The following SLC25A25 variants were observed in gnomAD, a reference collection of about 807,000 sequenced individuals.
The protein encoded by SLC25A25 is solute carrier family 25 member 25.
SLC25A25 carries 32 observed loss-of-function variants against 57.7 expected under a neutral mutation model. That is an observed-to-expected ratio of 0.55 (90% CI 0.42 to 0.74). SLC25A25 has a LOEUF of 0.74. Ranked by LOEUF, SLC25A25 falls within the 30% of genes least tolerant of loss-of-function variation. SLC25A25 has a pLI of 0.00. For synonymous variants in SLC25A25, 306 were observed against 291.2 expected (o/e 1.05, Z -0.52); for missense variants, 556 against 701.3 (o/e 0.79, Z 2.34).
At chr9:128,083,339 A>C (rs1833197988) in intron 1 of SLC25A25, among the ~76,000 whole-genome samples, 1 of 151,928 alleles carries the variant, frequency 6.6e-6, no homozygotes, top group Admixed American at 6.6e-5. Flanking sequence ...TTTATGGAAA[A>C]GGCCTTTTAT....
chr9:128,089,800 T>A (rs1416090856), intron 1 of SLC25A25, among the ~76,000 whole-genome samples: 1 of 149,590 alleles, frequency 6.7e-6, no homozygotes, highest in Non-Finnish European at 1.5e-5. Context: ...TGCCTGGCTA[T>A]TTTTTTTTTA....
rs372287833 is a variant in SLC25A25 at position 128,093,484 on chromosome 9, C to A, written c.262-7612C>A. On this transcript the variant is annotated intron_variant, in intron 1 of 10. Transcript: ENST00000373069. ...AGTACCCCCTTGCCAGCTCTCCCCC[C>A]AGGGACTGCCTAGGATAGGACTGTC... Among the ~76,000 whole-genome samples, 107 of 152,362 alleles carry A rather than the reference C, an allele frequency of 7.0e-4. 1 individual carries two copies. Among genetic ancestry groups the A allele is most frequent in the African/African-American group, 2.4e-3 (101 of 41,578 alleles).
intron 1 of SLC25A25, 122 bp downstream of exon 1, chr9:128,068,702 C>G: frequency 9.0e-7 from 1 of 1,108,552 alleles, no homozygotes; most frequent in Admixed American, 4.2e-5. Context: ...AGGGTGCCCC[C>G]TGACTCACTG....
rs1381267662 is a variant in SLC25A25, at chr9:128,103,776, TG to T, written c.724del (p.Ala242GlnfsTer38). The T allele has an allele frequency of 6.2e-7, 1 of 1,613,602 alleles. No individual in the cohort carries two copies. The highest frequency in any genetic ancestry group is 1.7e-5 in the Admixed American group (1 of 59,994). Reference sequence around the variant, plus strand: ...GGTGGAGACACCTGGTGGCAGGAGGTGGGGCAGGGGCCGTATCCAGAACCTG... The same window carrying T: ...GGTGGAGACACCTGGTGGCAGGAGGTGGGCAGGGGCCGTATCCAGAACCTG... Reference protein sequence around the residue: ...MWWRHLVAGGGAGAVSRTCTA... With the variant: ...MWWRHLVAGGXAGAVSRTCTA... On this transcript the variant is annotated frameshift_variant, in exon 6 of 11. Coordinates refer to ENST00000373069, the MANE Select transcript of SLC25A25 (RefSeq NM_001330988.2). LOFTEE classifies it high-confidence loss of function. This position sits in a 1 kb window ranked among gnomAD's most constrained non-coding sequence, Gnocchi z 6.7.
chr9:128,104,570 C>A (rs1324002272), intron 6 of SLC25A25, among the ~76,000 whole-genome samples: 1 of 152,206 alleles, frequency 6.6e-6, no homozygotes, highest in Non-Finnish European at 1.5e-5. Context: ...CCAGGACTTC[C>A]CCTCCTCTGT....
chr9:128,070,345 G>A (rs190138841), intron 1 of SLC25A25, among the ~76,000 whole-genome samples: 3 of 151,398 alleles, frequency 2.0e-5, no homozygotes, highest in Non-Finnish European at 2.9e-5. Context: ...TGATCCGCCC[G>A]CCTCAGCCTC....
chr9:128,098,349 G>A (rs1833629469), intron 1 of SLC25A25: 1 of 822,918 alleles, frequency 1.2e-6, no homozygotes, highest in Non-Finnish European at 1.7e-6. Flanking sequence ...TGAGCAACCT[G>A]ATGCCACCTT....
Position 128,076,280 on chromosome 9 carries a change from A to C in SLC25A25, c.261+7700A>C, listed in dbSNP as rs757640111. 5.3e-5 allele frequency among the ~76,000 whole-genome samples: 8 copies of C among 151,914 alleles called. No homozygotes were observed. In the South Asian group the frequency reaches 1.7e-3, roughly 32 times the overall value. On this transcript the variant is annotated intron_variant, in intron 1 of 10. Coordinates refer to ENST00000373069, the MANE Select transcript of SLC25A25 (RefSeq NM_001330988.2). ...CAGGTAGCTGGGATTACAGGTGTGC[A>C]CCACCATGCCCAGCTAATTTTTGTA...
intron 1 of SLC25A25, 82 bp downstream of exon 1, chr9:128,068,662 G>A (rs1832835250): frequency 1.5e-6 from 2 of 1,338,988 alleles, no homozygotes; most frequent in Non-Finnish European, 9.6e-7. Context: ...CGGCCCCTTG[G>A]GCTGGGCGGA....
chr9:128,101,577 T>C lies in SLC25A25; in HGVS notation c.476+181T>C, dbSNP rs1369660327. Among the ~76,000 whole-genome samples the C allele has an allele frequency of 6.6e-6, 1 of 152,190 alleles. No individual in the cohort carries two copies. On this transcript the variant is annotated intron_variant, in intron 3 of 10. Coordinates refer to ENST00000373069, the MANE Select transcript of SLC25A25 (RefSeq NM_001330988.2). The surrounding 1 kb of genome is among the most constrained non-coding windows in gnomAD (Gnocchi z 4.9). Reference sequence around the variant, plus strand: ...CCCCAGGGTTGCAGGCCTGCTTTCATTGGAAGAATCACAGATCACCTGGAA... The same window carrying C: ...CCCCAGGGTTGCAGGCCTGCTTTCACTGGAAGAATCACAGATCACCTGGAA...
intron 1 of SLC25A25, among the ~76,000 whole-genome samples, chr9:128,096,167 G>T (rs1833551279): frequency 6.6e-6 from 1 of 152,086 alleles, no homozygotes; most frequent in Non-Finnish European, 1.5e-5. Context: ...CTAAAGACCA[G>T]CATTTTAGGG....
At chr9:128,091,451 G>A in intron 1 of SLC25A25, 4 of 986,084 alleles carry the variant, frequency 4.1e-6, no homozygotes, top group Non-Finnish European at 4.8e-6. Flanking sequence ...CGGGTCCTCG[G>A]CTTGGGTGAT....
chr9:128,106,606 T>C (rs1834050810), intron 9 of SLC25A25, 86 bp downstream of exon 9: 1 of 1,434,266 alleles, frequency 7.0e-7, no homozygotes, highest in Non-Finnish European at 9.3e-7. Flanking sequence ...GCGTGGTTAG[T>C]GCAGGAAACT....
Position 128,103,496 on chromosome 9 carries a change from G to T in SLC25A25, c.625-185G>T, listed in dbSNP as rs533002001. 1.7e-3 allele frequency among the ~76,000 whole-genome samples: 254 copies of T among 152,336 alleles called. No homozygotes were observed. The highest frequency in any genetic ancestry group is 2.9e-3 in the South Asian group (14 of 4,830). Reference sequence around the variant, plus strand: ...TGTGCCTCTCCAGGACCCCAGCAGGGGTGAGAGCTCTGCTACCTTCAGAGT... The same window carrying T: ...TGTGCCTCTCCAGGACCCCAGCAGGTGTGAGAGCTCTGCTACCTTCAGAGT... On this transcript the variant is annotated intron_variant, in intron 5 of 10. Coordinates refer to ENST00000373069, the MANE Select transcript of SLC25A25 (RefSeq NM_001330988.2). The surrounding 1 kb of genome is among the most constrained non-coding windows in gnomAD (Gnocchi z 6.7).
Position 128,101,420 on chromosome 9 carries a change from G to A in SLC25A25, c.476+24G>A, listed in dbSNP as rs781262048. ...AGGTGAGTGCTCAGCCAGCCTCTGT[G>A]TTTGGTTTAAGTGTGATGAAGGGAA... On this transcript the variant is annotated intron_variant, in intron 3 of 10. Transcript: ENST00000373069. This position sits in a 1 kb window ranked among gnomAD's most constrained non-coding sequence, Gnocchi z 4.9. The A allele has an allele frequency of 5.0e-6, 8 of 1,612,332 alleles. No homozygotes were observed. In the East Asian group the frequency reaches 1.1e-4, roughly 22 times the overall value.
chr9:128,106,924 C>T (rs781541673), intron 9 of SLC25A25, 105 bp from the exon 10 acceptor site: 124 of 1,385,510 alleles, frequency 8.9e-5, no homozygotes, highest in Non-Finnish European at 1.1e-4. Flanking sequence ...AGGCCCCAGG[C>T]GCGGCAGTCG....
chr9:128,071,899 C>T (rs1391302795), intron 1 of SLC25A25, among the ~76,000 whole-genome samples: 1 of 139,434 alleles, frequency 7.2e-6, no homozygotes, highest in African/African-American at 2.7e-5. Flanking sequence ...TATTAGGAGA[C>T]AAGGGATTTC....
At chr9:128,079,151 T>A (rs1833082358) in intron 1 of SLC25A25, among the ~76,000 whole-genome samples, 2 of 152,228 alleles carry the variant, frequency 1.3e-5, no homozygotes, top group South Asian at 4.1e-4. Context: ...CTTGGCTGGC[T>A]TTTCCAGGAA....
Position 128,103,067 on chromosome 9 carries a change from G to T in SLC25A25, c.624+586G>T, listed in dbSNP as rs566662551. Among the ~76,000 whole-genome samples the T allele has an allele frequency of 4.8e-4, 73 of 152,296 alleles. No homozygotes were observed. The highest frequency in any genetic ancestry group is 1.7e-3 in the African/African-American group (70 of 41,568). On this transcript the variant is annotated intron_variant, in intron 5 of 10. Transcript: ENST00000373069. The surrounding 1 kb of genome is among the most constrained non-coding windows in gnomAD (Gnocchi z 6.7). ...CGCTCCAGGAGGGGAGGCCAGAGGCGCTCCTCATCTGCCTCTCGCAGTGCC... is the reference window on the plus strand; with the variant it reads ...CGCTCCAGGAGGGGAGGCCAGAGGCTCTCCTCATCTGCCTCTCGCAGTGCC...
Sources: allele counts gnomAD v4.1 joint callset (sites outside exome capture counted in the v4.1 genomes callset), GRCh38; gene constraint gnomAD v4.1.1; non-coding constraint Gnocchi (gnomAD v3.1); transcripts MANE v1.5; gene names NCBI Gene and HGNC (gene_info 2026-07-23, HGNC 2026-07-21).